Variants in LIFR observed in about 807,000 individuals in gnomAD.
LIFR encodes LIF receptor subunit alpha.
LIFR carries 84 observed loss-of-function variants against 122.2 expected under a neutral mutation model. The ratio of observed to expected loss-of-function variants is 0.69; its 90% CI spans 0.58 to 0.82. The LOEUF (loss-of-function observed/expected upper bound fraction) is 0.82. Ranked by LOEUF, LIFR falls within the 40% of genes least tolerant of loss-of-function variation. LIFR has a pLI of 0.00. For missense variants in LIFR, 1,294 were observed against 1,311.6 expected (o/e 0.99, Z 0.21); for synonymous variants, 422 against 434.7 (o/e 0.97, Z 0.36).
At chr5:38,580,569 A>C (rs1225628823) in intron 1 of LIFR, among the ~76,000 whole-genome samples, 1 of 151,938 alleles carries the variant, frequency 6.6e-6, no homozygotes, top group Non-Finnish European at 1.5e-5. Flanking sequence ...CCCCACCTAG[A>C]TCTGTCTCCA....
chr5:38,487,630 G>A (rs575791513), intron 16 of LIFR, among the ~76,000 whole-genome samples: 12 of 152,240 alleles, frequency 7.9e-5, no homozygotes, highest in East Asian at 1.9e-4. Flanking sequence ...TAAAAATTAC[G>A]TAAATATGGT....
intron 1 of LIFR, among the ~76,000 whole-genome samples, chr5:38,564,778 A>T (rs1476377755): frequency 2.9e-5 from 4 of 136,934 alleles, no homozygotes; most frequent in Non-Finnish European, 6.4e-5. Context: ...ACACACACAC[A>T]TATATTTTTT....
At chr5:38,555,295 A>C (rs973040611) in intron 1 of LIFR, among the ~76,000 whole-genome samples, 2 of 152,200 alleles carry the variant, frequency 1.3e-5, no homozygotes, top group African/African-American at 2.4e-5. Flanking sequence ...CTGTGACAAA[A>C]TAATCATGTA....
intron 1 of LIFR, among the ~76,000 whole-genome samples, chr5:38,539,020 G>A (rs2112601958): frequency 6.6e-6 from 1 of 152,128 alleles, no homozygotes; most frequent in South Asian, 2.1e-4. Context: ...GAGTGCAGTG[G>A]CGCGATCTCG....
chr5:38,483,365 T>G (rs528250890), intron 18 of LIFR, among the ~76,000 whole-genome samples: 1 of 152,334 alleles, frequency 6.6e-6, no homozygotes, highest in Admixed American at 6.5e-5. Flanking sequence ...ACTTCTAAAC[T>G]CCCTTCTTAT....
intron 5 of LIFR, among the ~76,000 whole-genome samples, chr5:38,518,706 A>G (rs1746237981): frequency 6.6e-6 from 1 of 152,172 alleles, no homozygotes. Context: ...ACTTTCTATC[A>G]TTATTTTTGA....
intron 1 of LIFR, among the ~76,000 whole-genome samples, chr5:38,539,176 C>T (rs1747452534): frequency 6.6e-6 from 1 of 152,070 alleles, no homozygotes; most frequent in South Asian, 2.1e-4. Flanking sequence ...GTCTCGATCT[C>T]CTGACCTAGT....
intron 1 of LIFR, among the ~76,000 whole-genome samples, chr5:38,572,939 A>G (rs77533080): frequency 0.012 from 1,859 of 152,324 alleles, 46 homozygotes; most frequent in African/African-American, 0.042. Context: ...TGCATGGTCT[A>G]TATAACCTGC....
At chr5:38,528,549 C>T (rs114133963) in intron 3 of LIFR, 177 bp downstream of exon 3, 131 of 644,306 alleles carry the variant, frequency 2.0e-4, no homozygotes, top group African/African-American at 2.0e-3. Context: ...GCCATCACAC[C>T]TCATAATGCT....
At chr5:38,495,609 T>C (rs561095039) in intron 13 of LIFR, among the ~76,000 whole-genome samples, 1 of 152,292 alleles carries the variant, frequency 6.6e-6, no homozygotes, top group South Asian at 2.1e-4. Context: ...GGACCCTAAC[T>C]GGACCAATTT....
intron 13 of LIFR, 114 bp downstream of exon 13, chr5:38,496,268 C>G: frequency 1.2e-6 from 1 of 844,410 alleles, no homozygotes; most frequent in South Asian, 1.4e-5. Context: ...CCTTCTAGGT[C>G]AGCAGCAACA....
At chr5:38,525,534 G>A (rs541814879) in intron 4 of LIFR, among the ~76,000 whole-genome samples, 1 of 152,212 alleles carries the variant, frequency 6.6e-6, no homozygotes, top group East Asian at 1.9e-4. Flanking sequence ...GGCCAATACA[G>A]TGTTCAACAC....
At chr5:38,604,102 C>T (rs1278595567) in intron 2 of LIFR, among the ~76,000 whole-genome samples, 1 of 152,128 alleles carries the variant, frequency 6.6e-6, no homozygotes, top group African/African-American at 2.4e-5. Context: ...TCCTATTTGC[C>T]TTGAGGTGGC....
At chr5:38,595,642 T>G (rs2112773132), upstream of LIFR, among the ~76,000 whole-genome samples, 1 of 152,012 alleles carries the variant, frequency 6.6e-6, no homozygotes, top group East Asian at 1.9e-4. Flanking sequence ...GAGTCAGCAG[T>G]GTGTTTCAGA....
chr5:38,522,131 G>A (rs1488328855), intron 5 of LIFR, among the ~76,000 whole-genome samples: 1 of 152,250 alleles, frequency 6.6e-6, no homozygotes, highest in Admixed American at 6.5e-5. Context: ...AGGCATGCAA[G>A]TGGGGAACGC....
intron 1 of LIFR, among the ~76,000 whole-genome samples, chr5:38,572,688 A>G (rs1437732348): frequency 2.0e-5 from 3 of 152,200 alleles, no homozygotes; most frequent in Non-Finnish European, 2.9e-5. Context: ...AATCCATGAA[A>G]TGTAACCTGC....
chr5:38,582,700 T>G (rs1019565561), intron 1 of LIFR, among the ~76,000 whole-genome samples: 4 of 152,178 alleles, frequency 2.6e-5, no homozygotes, highest in African/African-American at 9.7e-5. Flanking sequence ...ATTGCTAGGT[T>G]TTCAGTGTTA....
intron 5 of LIFR, among the ~76,000 whole-genome samples, chr5:38,516,097 T>C (rs1746064900): frequency 6.6e-6 from 1 of 152,186 alleles, no homozygotes; most frequent in African/African-American, 2.4e-5. Flanking sequence ...CTTGCTATTA[T>C]TTTCCCAAAT....
chr5:38,481,572 AC>A lies in LIFR; in HGVS notation c.*22del. The A allele has an allele frequency of 6.2e-7, 1 of 1,613,830 alleles. No homozygotes were observed. Among genetic ancestry groups the A allele is most frequent in the Non-Finnish European group, 8.5e-7 (1 of 1,179,696 alleles). On this transcript the variant is annotated 3_prime_UTR_variant, in exon 20 of 20. Coordinates refer to ENST00000453190, the MANE Select transcript of LIFR (RefSeq NM_001127671.2). ...CAGTAAGAGCTTATTGAGATGGCTGACTGAAGTGACACGGTGACACTGTTAA... is the reference window on the plus strand; with the variant it reads ...CAGTAAGAGCTTATTGAGATGGCTGATGAAGTGACACGGTGACACTGTTAA...
Sources: gnomAD v4.1 joint callset for allele counts (sites outside exome capture counted in the v4.1 genomes callset) on GRCh38, gnomAD v4.1.1 for gene constraint, MANE v1.5 for transcripts, NCBI Gene and HGNC (gene_info 2026-07-23, HGNC 2026-07-21) for gene names.